RCAN2: variants seen among roughly 807,000 people sequenced by gnomAD.
RCAN2 encodes calcipressin-2.
A neutral mutation model predicts 23.6 loss-of-function variants in RCAN2; 9 were observed. The ratio of observed to expected loss-of-function variants is 0.38; its 90% CI spans 0.23 to 0.67. The LOEUF (loss-of-function observed/expected upper bound fraction) is 0.67. RCAN2 is among the 30% of genes least tolerant of loss of function. RCAN2 has a pLI of 0.51. For missense variants in RCAN2, 273 were observed against 302.3 expected, an observed-to-expected ratio of 0.90 and a Z score of 0.72; for synonymous variants, 109 against 115.7, an observed-to-expected ratio of 0.94 and a Z score of 0.37.
At chr6:46,353,326 G>A (rs1764719915) in intron 2 of RCAN2, among the ~76,000 whole-genome samples, 1 of 152,028 alleles carries the variant, frequency 6.6e-6, no homozygotes, top group Non-Finnish European at 1.5e-5. Flanking sequence ...GAAAACCCAG[G>A]GACAATGGGT....
At chr6:46,443,321 C>G (rs950003192) in intron 2 of RCAN2, among the ~76,000 whole-genome samples, 1 of 152,218 alleles carries the variant, frequency 6.6e-6, no homozygotes, top group East Asian at 1.9e-4. Flanking sequence ...GATACTTAAA[C>G]CATAGTGAAT....
In RCAN2 at chr6:46,421,447, T is replaced by C. The variant is rs1352846615; in HGVS notation, c.225+35305A>G. Among the ~76,000 whole-genome samples the C allele has an allele frequency of 2.0e-5, 3 of 152,118 alleles. No homozygotes were observed. In the East Asian group the frequency reaches 5.8e-4, roughly 29 times the overall value. On this transcript the variant is annotated intron_variant, in intron 2 of 4. Transcript: ENST00000371374. ...AGAATAATGTAATAGGAAACTCAAG[T>C]GAGTGAAGTAATTTAGGGTGAAAGA...
intron 4 of RCAN2, among the ~76,000 whole-genome samples, chr6:46,237,908 T>C (rs1766161104): frequency 6.6e-6 from 1 of 152,182 alleles, no homozygotes; most frequent in Non-Finnish European, 1.5e-5. Flanking sequence ...TAGCACCATT[T>C]TGCCAACCAT....
At chr6:46,285,709 T>C (rs1051551912) in intron 2 of RCAN2, among the ~76,000 whole-genome samples, 3 of 152,240 alleles carry the variant, frequency 2.0e-5, no homozygotes, top group Non-Finnish European at 1.5e-5. Context: ...TTTGCTATTA[T>C]TGGGTATTAT....
chr6:46,329,989 G>A (rs1763913281), intron 2 of RCAN2, among the ~76,000 whole-genome samples: 1 of 152,224 alleles, frequency 6.6e-6, no homozygotes, highest in Admixed American at 6.5e-5. Flanking sequence ...GAGCATAGAA[G>A]TTCCCATTAC....
intron 1 of RCAN2, among the ~76,000 whole-genome samples, chr6:46,461,539 A>C (rs1423116558): frequency 1.3e-5 from 2 of 152,080 alleles, no homozygotes; most frequent in African/African-American, 4.8e-5. Flanking sequence ...TGCCAGTCTC[A>C]AGCTGTAAAT....
intron 1 of RCAN2, among the ~76,000 whole-genome samples, chr6:46,461,230 T>C (rs1310354439): frequency 2.6e-5 from 4 of 152,216 alleles, no homozygotes; most frequent in Non-Finnish European, 5.9e-5. Flanking sequence ...ATACCGCTCC[T>C]GTCCTGCAAC....
chr6:46,309,967 C>A (rs1435613181), intron 2 of RCAN2, among the ~76,000 whole-genome samples: 1 of 151,986 alleles, frequency 6.6e-6, no homozygotes, highest in Admixed American at 6.6e-5. Flanking sequence ...CCTCATTTGC[C>A]CAACTTAAAA....
At chr6:46,413,801 G>T (rs181123107) in intron 2 of RCAN2, among the ~76,000 whole-genome samples, 3 of 152,252 alleles carry the variant, frequency 2.0e-5, no homozygotes, top group Admixed American at 2.0e-4. Flanking sequence ...TGGGGAAACC[G>T]ACCCCTGACA....
intron 2 of RCAN2, among the ~76,000 whole-genome samples, chr6:46,270,979 G>C (rs1391278024): frequency 6.6e-6 from 1 of 152,170 alleles, no homozygotes; most frequent in Non-Finnish European, 1.5e-5. Flanking sequence ...GAGAGTCCCT[G>C]AGCTAAAGAC....
At chr6:46,280,790 C>T (rs966916829) in intron 2 of RCAN2, among the ~76,000 whole-genome samples, 5 of 152,042 alleles carry the variant, frequency 3.3e-5, no homozygotes, top group African/African-American at 1.2e-4. Flanking sequence ...ATTAATTAAA[C>T]TGAAGGAGTC....
chr6:46,468,703 C>A (rs1196254988), intron 1 of RCAN2: 1 of 582,448 alleles, frequency 1.7e-6, no homozygotes, highest in African/African-American at 2.0e-5. Flanking sequence ...GCTGACGAGA[C>A]AAATGGAATG....
chr6:46,318,616 G>A (rs1218486260), intron 2 of RCAN2, among the ~76,000 whole-genome samples: 3 of 151,990 alleles, frequency 2.0e-5, no homozygotes, highest in Non-Finnish European at 4.4e-5. Context: ...TTAATCCCTT[G>A]ATGTAGTTAA....
At chr6:46,426,046 C>A (rs1767023126) in intron 2 of RCAN2, among the ~76,000 whole-genome samples, 1 of 151,786 alleles carries the variant, frequency 6.6e-6, no homozygotes, top group South Asian at 2.1e-4. Flanking sequence ...CTACAGGTGC[C>A]CACCACCATG....
intron 2 of RCAN2, among the ~76,000 whole-genome samples, chr6:46,379,717 C>T (rs1765571287): frequency 1.3e-5 from 2 of 152,176 alleles, no homozygotes; most frequent in Non-Finnish European, 2.9e-5. Flanking sequence ...CCCGACTCTG[C>T]AGCCTTAATG....
rs765916099 is a variant in RCAN2, at chr6:46,360,533, C to CAAAAA, written c.225+96214_225+96218dup. ...TGGGCGACAGAGCAAGACTCCGTCT[C>CAAAAA]AAAAAAAAAAAAAAAAAAAAAAAAA... On this transcript the variant is annotated intron_variant, in intron 2 of 4. Transcript: ENST00000371374. 1.9e-3 allele frequency among the ~76,000 whole-genome samples: 64 copies of CAAAAA among 33,496 alleles called. 6 individuals are homozygous for CAAAAA. Among genetic ancestry groups the CAAAAA allele is most frequent in the South Asian group, 1.8e-3 (1 of 548 alleles). 22.0% of individuals were successfully genotyped at this position (33,496 alleles called of 152,430 possible). A position where few individuals can be genotyped will look rare whatever the true frequency, so the allele number is the denominator to read the frequency against.
At chr6:46,410,050 T>C (rs1191571829) in intron 2 of RCAN2, among the ~76,000 whole-genome samples, 1 of 152,184 alleles carries the variant, frequency 6.6e-6, no homozygotes, top group Non-Finnish European at 1.5e-5. Context: ...GACACTCTTC[T>C]TCTCCTACCC....
At chr6:46,273,942 C>T (rs1582052876) in intron 2 of RCAN2, among the ~76,000 whole-genome samples, 1 of 151,804 alleles carries the variant, frequency 6.6e-6, no homozygotes, top group African/African-American at 2.4e-5. Flanking sequence ...GCAAAGTTGG[C>T]CTGTAGTCGT....
chr6:46,300,115 C>T (rs535345263), intron 2 of RCAN2, among the ~76,000 whole-genome samples: 1 of 151,004 alleles, frequency 6.6e-6, no homozygotes, highest in East Asian at 2.0e-4. Context: ...AATCAAAATG[C>T]TCAATGAATA....
Sources: allele counts gnomAD v4.1 joint callset (sites outside exome capture counted in the v4.1 genomes callset), GRCh38; gene constraint gnomAD v4.1.1; transcripts MANE v1.5; gene names NCBI Gene and HGNC (gene_info 2026-07-23, HGNC 2026-07-21).